The following STK3 variants were observed in gnomAD, a reference collection of about 807,000 sequenced individuals.
STK3 encodes the protein serine/threonine-protein kinase 3.
STK3 carries 41 observed loss-of-function variants against 58.0 expected under a neutral mutation model. The ratio of observed to expected loss-of-function variants is 0.71; its 90% CI spans 0.55 to 0.92. The LOEUF is 0.92. Among genes scored for constraint, STK3 ranks in the 40% least tolerant of loss-of-function variants. STK3 has a pLI of 0.00. For synonymous variants in STK3, 170 were observed against 191.0 expected (o/e 0.89, Z 0.91); for missense variants, 479 against 602.7 (o/e 0.79, Z 2.15).
chr8:98,826,445 T>C (rs1835309301), upstream of STK3, among the ~76,000 whole-genome samples: 1 of 152,168 alleles, frequency 6.6e-6, no homozygotes, highest in African/African-American at 2.4e-5. Flanking sequence ...TACAGTGAGA[T>C]CTCTCGGTAC....
chr8:98,898,389 A>AC (rs1222559761), intron 1 of STK3, among the ~76,000 whole-genome samples: 9 of 152,216 alleles, frequency 5.9e-5, no homozygotes, highest in Non-Finnish European at 1.2e-4. Context: ...TGCCTAGGAC[A>AC]CCCTGGTCTA....
At chr8:98,846,686 A>G (rs1331731566) in intron 3 of STK3, among the ~76,000 whole-genome samples, 1 of 152,192 alleles carries the variant, frequency 6.6e-6, no homozygotes, top group Non-Finnish European at 1.5e-5. Context: ...TCCACACAAT[A>G]AAAAGATTCT....
chr8:98,710,941 C>A (rs1426595154), intron 4 of STK3, among the ~76,000 whole-genome samples: 1 of 152,222 alleles, frequency 6.6e-6, no homozygotes, highest in Non-Finnish European at 1.5e-5. Context: ...TGAGACAAAA[C>A]TTCCAGAGGA....
intron 10 of STK3, among the ~76,000 whole-genome samples, chr8:98,506,234 C>T (rs1174999072): frequency 6.6e-6 from 1 of 152,244 alleles, no homozygotes; most frequent in African/African-American, 2.4e-5. Flanking sequence ...CCTGGTGTGC[C>T]TTCTGCTAAG....
At chr8:98,539,166 T>C (rs1396185624) in intron 9 of STK3, among the ~76,000 whole-genome samples, 1 of 152,196 alleles carries the variant, frequency 6.6e-6, no homozygotes, top group Non-Finnish European at 1.5e-5. Flanking sequence ...CCTTAGTGAT[T>C]TACTCCTTTG....
intron 9 of STK3, among the ~76,000 whole-genome samples, chr8:98,531,300 T>C (rs1826156188): frequency 6.6e-6 from 1 of 152,256 alleles, no homozygotes; most frequent in Non-Finnish European, 1.5e-5. Flanking sequence ...AAATGGATGT[T>C]GTGTTAGCAG....
chr8:98,580,703 C>T lies in STK3; in HGVS notation c.823-914G>A, dbSNP rs150816641. Among the ~76,000 whole-genome samples the T allele has an allele frequency of 6.7e-3, 1,027 of 152,270 alleles. 8 individuals carry two copies. Among genetic ancestry groups the T allele is most frequent in the African/African-American group, 0.023 (963 of 41,552 alleles). On this transcript the variant is annotated intron_variant, in intron 7 of 10. Coordinates refer to ENST00000419617, the MANE Select transcript of STK3 (RefSeq NM_006281.4). ...TCATGGCTCACTATAGTCTTGACCT[C>T]CTGGGCTCAAGTGATCCTCCCACCT... is the stretch of plus-strand genomic sequence containing the variant.
At chr8:98,580,569 A>G (rs1813788696) in intron 7 of STK3, among the ~76,000 whole-genome samples, 2 of 152,218 alleles carry the variant, frequency 1.3e-5, no homozygotes, top group African/African-American at 4.8e-5. Context: ...ACATGTCAGT[A>G]GATAGCATCA....
intron 2 of STK3, among the ~76,000 whole-genome samples, chr8:98,375,277 A>C (rs1297911066): frequency 1.3e-5 from 2 of 148,736 alleles, no homozygotes; most frequent in African/African-American, 5.0e-5. Context: ...AAAACAAAAA[A>C]AAACAAAAAA....
At chr8:98,712,860 A>C (rs1291616606) in intron 4 of STK3, among the ~76,000 whole-genome samples, 8 of 152,146 alleles carry the variant, frequency 5.3e-5, no homozygotes, top group African/African-American at 1.7e-4. Context: ...CACACCTATT[A>C]CAAAATTGAC....
rs540328097 is a variant in STK3 at position 98,396,223 on chromosome 8, G to A, written n.428-7976C>T. ...CAAAGGTAAGCTTTCAAAAACATCC[G>A]CTGTTAAGTTTATTTGCTCAGGACT... On this transcript the variant is annotated intron_variant and non_coding_transcript_variant, in intron 3 of 5. Transcript: ENST00000649151. Among the ~76,000 whole-genome samples, 242 of 152,238 alleles carry A rather than the reference G, an allele frequency of 1.6e-3. 2 individuals are homozygous for A. The highest frequency in any genetic ancestry group is 2.6e-3 in the Non-Finnish European group (179 of 68,006).
chr8:98,899,473 A>G lies in STK3; in HGVS notation c.-78-15639T>C, dbSNP rs78055817. ...TTCTTGTTGTGATTTCCTAAACAATACATTATATTAATAACAATGATTTAT... is the reference window on the plus strand; with the variant it reads ...TTCTTGTTGTGATTTCCTAAACAATGCATTATATTAATAACAATGATTTAT... On this transcript the variant is annotated intron_variant, in intron 1 of 1. Coordinates refer to the STK3 transcript ENST00000519420. Among the ~76,000 whole-genome samples the G allele has an allele frequency of 2.8e-3, 425 of 152,346 alleles. 6 individuals are homozygous for G. The highest frequency in any genetic ancestry group is 0.019 in the South Asian group (93 of 4,822).
At chr8:98,393,894 T>C (rs1368252160) in intron 3 of STK3, among the ~76,000 whole-genome samples, 1 of 152,154 alleles carries the variant, frequency 6.6e-6, no homozygotes, top group Non-Finnish European at 1.5e-5. Flanking sequence ...AAATAAATGC[T>C]TATTGTTTTA....
chr8:98,719,315 T>C (rs1347173317), intron 4 of STK3, among the ~76,000 whole-genome samples: 1 of 152,234 alleles, frequency 6.6e-6, no homozygotes. Flanking sequence ...CCTTTTTAGT[T>C]ACCTAGACTT....
At chr8:98,753,973 C>T (rs1422763130) in intron 3 of STK3, among the ~76,000 whole-genome samples, 1 of 152,144 alleles carries the variant, frequency 6.6e-6, no homozygotes, top group Non-Finnish European at 1.5e-5. Context: ...TACTGCTCTC[C>T]TAGTTAAACA....
intron 6 of STK3, among the ~76,000 whole-genome samples, chr8:98,691,012 T>A (rs1276885255): frequency 6.6e-6 from 1 of 152,074 alleles, no homozygotes; most frequent in African/African-American, 2.4e-5. Context: ...GACTACTGGG[T>A]TCACACAGAC....
chr8:98,370,263 C>G (rs912279146), downstream of STK3, among the ~76,000 whole-genome samples: 3 of 151,040 alleles, frequency 2.0e-5, no homozygotes, highest in African/African-American at 7.3e-5. Context: ...GGCCAGTGGA[C>G]CAGGAACTTT....
At chr8:98,663,952 G>A (rs1047954149) in intron 6 of STK3, among the ~76,000 whole-genome samples, 3 of 152,102 alleles carry the variant, frequency 2.0e-5, no homozygotes, top group African/African-American at 4.8e-5. Flanking sequence ...GGATTGTTGA[G>A]AAGACTAGAA....
intron 10 of STK3, among the ~76,000 whole-genome samples, chr8:98,471,028 A>G (rs973108336): frequency 2.6e-5 from 4 of 152,198 alleles, no homozygotes; most frequent in Non-Finnish European, 5.9e-5. Context: ...GGCTTCTGAA[A>G]AGGGTAAGGG....
Sources: gnomAD v4.1 joint callset for allele counts (sites outside exome capture counted in the v4.1 genomes callset) on GRCh38, gnomAD v4.1.1 for gene constraint, MANE v1.5 for transcripts, NCBI Gene and HGNC (gene_info 2026-07-23, HGNC 2026-07-21) for gene names.